Variants in ZSCAN5C observed in about 807,000 individuals in gnomAD.
ZSCAN5C encodes zinc finger and SCAN domain-containing protein 5C.
In ZSCAN5C, 11 loss-of-function variants were observed where a neutral mutation model predicts 17.3. The observed-to-expected ratio is 0.64, with a 90% CI of 0.40 to 1.06. The LOEUF is 1.06. ZSCAN5C is among the 50% of genes least tolerant of loss of function. The probability of loss-of-function intolerance (pLI) is 0.00; values close to 1 mark genes in which losing one functional copy is unlikely to be tolerated. For synonymous variants in ZSCAN5C, 229 were observed against 208.4 expected (o/e 1.10, Z -0.85); for missense variants, 698 against 538.9 (o/e 1.30, Z -2.92).
chr19:56,209,184 A>T, exon 5 of ZSCAN5C: 1 of 878,320 alleles, frequency 1.1e-6, no homozygotes, highest in Non-Finnish European at 1.9e-6. Context: ...ACACATCGAG[A>T]AGCCACTTCA....
At chr19:56,203,929 G>A (rs900907908) in intron 1 of ZSCAN5C, among the ~76,000 whole-genome samples, 8 of 151,800 alleles carry the variant, frequency 5.3e-5, no homozygotes, top group East Asian at 3.9e-4. Context: ...GATTACAGGC[G>A]TGAGCCACCA....
At chr19:56,205,089 G>A (rs117424106) in intron 1 of ZSCAN5C, among the ~76,000 whole-genome samples, 14 of 151,434 alleles carry the variant, frequency 9.2e-5, no homozygotes, top group Middle Eastern at 6.8e-3. Context: ...GTGGGCAGGC[G>A]GTGATCACTG....
At chr19:56,208,598 C>T in exon 5 of ZSCAN5C, 1 of 1,601,062 alleles carries the variant, frequency 6.2e-7, no homozygotes. Flanking sequence ...TCTGAGAGGT[C>T]TCAAAAGAAG....
At chr19:56,207,822 G>C (rs962339686) in intron 3 of ZSCAN5C, among the ~76,000 whole-genome samples, 1 of 151,828 alleles carries the variant, frequency 6.6e-6, no homozygotes, top group Non-Finnish European at 1.5e-5. Context: ...GGTGCCAGGG[G>C]TTAGGGGCCT....
chr19:56,204,247 C>T (rs1217441548), intron 1 of ZSCAN5C, among the ~76,000 whole-genome samples: 2 of 150,388 alleles, frequency 1.3e-5, no homozygotes, highest in African/African-American at 5.0e-5. Context: ...GCGGGATTGC[C>T]GGCTCATGCA....
Position 56,207,384 on chromosome 19 carries a change from C to A in ZSCAN5C, c.588+122C>A, listed in dbSNP as rs2146340257. 3 of 592,516 alleles carry A rather than the reference C, an allele frequency of 5.1e-6. No individual in the cohort carries two copies. In the East Asian group the frequency reaches 8.3e-5, roughly 16 times the overall value. The allele number at this position is 592,516 out of a possible 1,614,324, so 36.7% of individuals were successfully genotyped here. On this transcript the variant is annotated intron_variant, in intron 3 of 4. Transcript: ENST00000534327. ...CAAGATTACAGCCATTCCCCATGGA[C>A]ATGGTACATCCCCAAACATTCATTC...
chr19:56,206,742 G>GA (rs1370932104), intron 2 of ZSCAN5C, among the ~76,000 whole-genome samples: 1 of 151,888 alleles, frequency 6.6e-6, no homozygotes, highest in Non-Finnish European at 1.5e-5. Context: ...CTGAGGCAGG[G>GA]AAAGTGGCTG....
At position 56,207,160 on chromosome 19, in the gene ZSCAN5C, C is replaced by A; in HGVS notation, c.486C>A (p.Ser162=). The A allele has an allele frequency of 3.9e-6, 3 of 778,572 alleles. No homozygotes were observed. The East Asian group carries it at 7.3e-5, about 19-fold the overall frequency. 48.2% of individuals were successfully genotyped at this position (778,572 alleles called of 1,614,324 possible). A position where few individuals can be genotyped will look rare whatever the true frequency, so the allele number is the denominator to read the frequency against. ...TCAGAGATGATCCGAGACACGTGTC[C>A]AGCCAGCGGACCTCCTCTGTGAACC... Residue 162 remains serine (S), a synonymous_variant, in exon 3 of 5, where the codon TCC becomes TCA. Transcript: ENST00000534327.
intron 1 of ZSCAN5C, among the ~76,000 whole-genome samples, chr19:56,204,530 C>T (rs1022985470): frequency 2.4e-4 from 37 of 151,762 alleles, no homozygotes; most frequent in South Asian, 6.2e-4. Context: ...TCCACACGGG[C>T]GCCTTAAGCC....
At chr19:56,205,914 A>T in exon 2 of ZSCAN5C, 1 of 1,144,208 alleles carries the variant, frequency 8.7e-7, no homozygotes, top group South Asian at 1.2e-5. Context: ...CCCAGTAGAC[A>T]TGGCTGCAAA....
At chr19:56,207,400 A>G in intron 3 of ZSCAN5C, 138 bp downstream of exon 3, 1 of 569,216 alleles carries the variant, frequency 1.8e-6, no homozygotes, top group Non-Finnish European at 3.2e-6. Context: ...ACATCCCCAA[A>G]CATTCATTCC....
chr19:56,207,004 G>T, intron 2 of ZSCAN5C, 55 bp from the exon 3 acceptor site: 1 of 679,014 alleles, frequency 1.5e-6, no homozygotes, highest in Non-Finnish European at 2.7e-6. Flanking sequence ...CAGGGAATAT[G>T]AGAGCTACTT....
intron 1 of ZSCAN5C, 135 bp from the exon 2 acceptor site, chr19:56,205,651 CA>C (rs551830297): frequency 6.3e-5 from 26 of 411,568 alleles, no homozygotes; most frequent in African/African-American, 3.8e-4. Context: ...GGAAGAATAA[CA>C]GAGTGGATTG....
At chr19:56,204,062 T>C (rs1224649537) in intron 1 of ZSCAN5C, among the ~76,000 whole-genome samples, 1 of 151,948 alleles carries the variant, frequency 6.6e-6, no homozygotes, top group East Asian at 1.9e-4. Context: ...GCAGATGTGT[T>C]ACATGAGTAT....
intron 1 of ZSCAN5C, among the ~76,000 whole-genome samples, chr19:56,204,584 TTA>T (rs2032902112): frequency 6.6e-6 from 1 of 151,754 alleles, no homozygotes; most frequent in South Asian, 2.1e-4. Flanking sequence ...TTTGAGTTGC[TTA>T]TGTTTTGCAC....
At position 56,208,104 on chromosome 19, in the gene ZSCAN5C, C is replaced by T. The variant is rs757019939; in HGVS notation, c.659C>T (p.Thr220Ile). Residue 220 changes from threonine to isoleucine, a missense_variant, in exon 4 of 5, where the codon ACC becomes ATC. Thr to Ile is a moderately conservative substitution (Grantham distance 89, BLOSUM62 -1). Coordinates refer to ENST00000534327, the Ensembl canonical transcript of ZSCAN5C. ...CCAAAGGCTCTGAGACCCAAGCCGA[C>T]CTTGGAGAAGGACCTGGAGGAAGAC... is the stretch of plus-strand genomic sequence containing the variant. 6.6e-5 allele frequency: 51 copies of T among 775,406 alleles called. 1 individual carries two copies. The highest frequency in any genetic ancestry group is 4.5e-4 in the Middle Eastern group (2 of 4,464). The allele number at this position is 775,406 out of a possible 1,614,324, so 48.0% of individuals were successfully genotyped here. A position where few individuals can be genotyped will look rare whatever the true frequency, so the allele number is the denominator to read the frequency against.
At chr19:56,204,055 G>T (rs1428050930) in intron 1 of ZSCAN5C, among the ~76,000 whole-genome samples, 1 of 151,908 alleles carries the variant, frequency 6.6e-6, no homozygotes, top group Non-Finnish European at 1.5e-5. Flanking sequence ...TACCTGTGCA[G>T]ATGTGTTACA....
exon 3 of ZSCAN5C, chr19:56,207,117 C>G: frequency 1.3e-6 from 1 of 756,906 alleles, no homozygotes; most frequent in Non-Finnish European, 2.4e-6. Flanking sequence ...GTGGAGATGG[C>G]TGAAGCCCCC....
rs535992945 is a variant in ZSCAN5C at position 56,206,278 on chromosome 19, A to G, written c.365A>G (p.Asn122Ser). 24 of 1,526,634 alleles carry G rather than the reference A, an allele frequency of 1.6e-5. No individual in the cohort carries two copies. The South Asian group carries it at 3.0e-4, about 19-fold the overall frequency. 94.6% of individuals were successfully genotyped at this position (1,526,634 alleles called of 1,614,324 possible). A position where few individuals can be genotyped will look rare whatever the true frequency, so the allele number is the denominator to read the frequency against. ...GACCTGGAGGACCTGCTACGAAATAACAGAAGACCCAAGAAATGGGTGAGT... is the reference window on the plus strand; with the variant it reads ...GACCTGGAGGACCTGCTACGAAATAGCAGAAGACCCAAGAAATGGGTGAGT... The change falls in exon 2 of 5, where the codon AAC becomes AGC. Residue 122 changes from asparagine to serine, a missense_variant. This residue lies in a region of ZSCAN5C where 554 missense variants were observed against 390.5 expected (regional missense o/e 1.42). Coordinates refer to ENST00000534327, the Ensembl canonical transcript of ZSCAN5C.
Sources: allele counts gnomAD v4.1 joint callset (sites outside exome capture counted in the v4.1 genomes callset), GRCh38; gene constraint gnomAD v4.1.1; regional missense constraint gnomAD v4.1.1; transcripts MANE v1.5; gene names NCBI Gene and HGNC (gene_info 2026-07-23, HGNC 2026-07-21).